MAU2: variants seen among roughly 807,000 people sequenced by gnomAD.
MAU2 encodes the protein MAU2 sister chromatid cohesion factor.
Under a neutral mutation model 89.1 loss-of-function variants are expected in MAU2, and 9 were observed. That is an observed-to-expected ratio of 0.10 (90% CI 0.06 to 0.18). The LOEUF (loss-of-function observed/expected upper bound fraction) is 0.18, where lower values mean the gene tolerates loss of function less well. Among genes scored for constraint, MAU2 ranks in the 10% least tolerant of loss-of-function variants. The probability of loss-of-function intolerance (pLI) is 1.00; values close to 1 mark genes in which losing one functional copy is unlikely to be tolerated. For synonymous variants in MAU2, 357 were observed against 343.4 expected, an observed-to-expected ratio of 1.04 and a Z score of -0.44; for missense variants, 425 against 803.5, an observed-to-expected ratio of 0.53 and a Z score of 5.69.
intron 1 of MAU2, among the ~76,000 whole-genome samples, chr19:19,324,964 T>C (rs2061492794): frequency 6.6e-6 from 1 of 152,190 alleles, no homozygotes; most frequent in African/African-American, 2.4e-5. Flanking sequence ...ACTTTTATTC[T>C]TTCCTTCCCC....
chr19:19,345,192 C>T lies in MAU2; in HGVS notation c.1156-112C>T, dbSNP rs564321991. The T allele has an allele frequency of 6.4e-5, 61 of 951,640 alleles. 2 individuals are homozygous for T. The South Asian group carries it at 8.2e-4, about 13-fold the overall frequency. 58.9% of individuals were successfully genotyped at this position (951,640 alleles called of 1,614,324 possible). ...CTGCCTTGCAGCTGGCTCGGTAGAG[C>T]CATTGTCATACTCCTCCAGGGCAGC... On this transcript the variant is annotated intron_variant, in intron 11 of 18. Transcript: ENST00000262815. This position sits in a 1 kb window ranked among gnomAD's most constrained non-coding sequence, Gnocchi z 4.9.
intron 1 of MAU2, among the ~76,000 whole-genome samples, chr19:19,326,045 G>A (rs62135552): frequency 0.59 from 84,012 of 142,286 alleles, 25,674 homozygotes; most frequent in East Asian, 0.7. Flanking sequence ...TTGTTGCCCA[G>A]GCTGGAGTGC....
intron 4 of MAU2, among the ~76,000 whole-genome samples, 171 bp from the exon 5 acceptor site, chr19:19,338,674 C>T (rs1477376101): frequency 6.6e-6 from 1 of 152,206 alleles, no homozygotes; most frequent in African/African-American, 2.4e-5. Context: ...GAGCTGTGTA[C>T]CCAAAGCAAT....
Position 19,349,155 on chromosome 19 carries a change from C to T in MAU2, c.1359C>T (p.Ser453=), listed in dbSNP as rs1253526777. The T allele has an allele frequency of 1.2e-6, 2 of 1,614,114 alleles. No homozygotes were observed. The highest frequency in any genetic ancestry group is 1.7e-6 in the Non-Finnish European group (2 of 1,180,034). The change falls in exon 15 of 19, where the codon AGC becomes AGT. Residue 453 remains serine, a splice_region_variant and synonymous_variant. Coordinates refer to ENST00000262815, the MANE Select transcript of MAU2 (RefSeq NM_015329.4). ...ATGTGATACTGCACTCTCCCTGCAG[C>T]TCGCACTGCCTCCGAGCAGCCGCCT... The part of the protein sequence containing the change: ...RINPDHSFPV[S]SHCLRAAAFY...
chr19:19,341,252 C>T lies in MAU2; in HGVS notation c.580C>T (p.Leu194=). Residue 194 remains leucine, a splice_region_variant and synonymous_variant, in exon 7 of 19, where the codon CTG becomes TTG. Coordinates refer to ENST00000262815, the MANE Select transcript of MAU2 (RefSeq NM_015329.4). ...RALFLLSKGM[L]LLMERKLQEV... is the part of the protein sequence containing the mutation. ...TACACCTGCGCCTCTCCCTCCCCAG[C>T]TGCTGCTGATGGAGCGAAAGCTGCA... 2 of 1,610,702 alleles carry T rather than the reference C, an allele frequency of 1.2e-6. No homozygotes were observed. The highest frequency in any genetic ancestry group is 8.5e-7 in the Non-Finnish European group (1 of 1,179,822).
At chr19:19,341,166 G>A in intron 6 of MAU2, 86 bp from the exon 7 acceptor site, 1 of 1,472,502 alleles carries the variant, frequency 6.8e-7, no homozygotes, top group Non-Finnish European at 9.2e-7. Context: ...CAGTCCCAGG[G>A]CAGGTGGGCA....
chr19:19,331,579 A>ATTTTTCTGAT (rs2061555930), intron 1 of MAU2, among the ~76,000 whole-genome samples: 1 of 151,814 alleles, frequency 6.6e-6, no homozygotes, highest in Non-Finnish European at 1.5e-5. Flanking sequence ...AGATGGATAT[A>ATTTTTCTGAT]TTTTTCTGAT....
intron 1 of MAU2, chr19:19,334,235 C>G: frequency 2.0e-6 from 2 of 985,560 alleles, no homozygotes; most frequent in Non-Finnish European, 2.4e-6. Context: ...CTGGCCCCGC[C>G]ACTCTGAGGA....
chr19:19,344,882 C>G lies in MAU2; in HGVS notation c.1111C>G (p.Pro371Ala), dbSNP rs371904513. The stretch of plus-strand genomic sequence containing the variant: ...GGTCTGCCAGCTGTGCCAGCAGTCC[C>G]CCCGGCTCTTCTCCAACCATGCAGC... ...SQVCQLCQQS[P>A]RLFSNHAAQL... The change falls in exon 11 of 19, where the codon CCC becomes GCC. Residue 371 changes from proline (P) to alanine (A), a missense_variant. Pro to Ala is a conservative substitution (Grantham distance 27). Around this residue, in one of 11 missense-constraint regions of MAU2, gnomAD observed 39 missense variants for 56.3 expected, o/e 0.69. Coordinates refer to ENST00000262815, the MANE Select transcript of MAU2 (RefSeq NM_015329.4). 5.6e-6 allele frequency: 9 copies of G among 1,613,684 alleles called. No individual in the cohort carries two copies. Among genetic ancestry groups the G allele is most frequent in the African/African-American group, 5.3e-5 (4 of 74,906 alleles).
chr19:19,342,124 G>C (rs553608480), intron 7 of MAU2, among the ~76,000 whole-genome samples: 2 of 152,106 alleles, frequency 1.3e-5, no homozygotes, highest in Admixed American at 6.5e-5. Flanking sequence ...GACATCCCTC[G>C]GGGCCTCAGG....
At chr19:19,332,165 G>T (rs1188892988) in intron 1 of MAU2, among the ~76,000 whole-genome samples, 1 of 152,002 alleles carries the variant, frequency 6.6e-6, no homozygotes, top group Non-Finnish European at 1.5e-5. Flanking sequence ...ACATCATGGG[G>T]CTTTTTTTTG....
intron 16 of MAU2, chr19:19,354,038 T>C: frequency 2.6e-6 from 1 of 385,114 alleles, no homozygotes; most frequent in South Asian, 2.6e-5. Flanking sequence ...TCAGCCCCCA[T>C]TGTGGGTCTA....
intron 1 of MAU2, among the ~76,000 whole-genome samples, chr19:19,330,104 A>G (rs529650186): frequency 4.6e-5 from 7 of 151,782 alleles, no homozygotes; most frequent in Admixed American, 3.9e-4. Flanking sequence ...CTCAGCTTCC[A>G]GAGTAGCTGA....
At chr19:19,323,179 G>A (rs767163015) in intron 1 of MAU2, among the ~76,000 whole-genome samples, 34 of 151,608 alleles carry the variant, frequency 2.2e-4, no homozygotes, top group Non-Finnish European at 4.3e-4. Flanking sequence ...GAGCCACTGC[G>A]CCCAGCCCCA....
chr19:19,341,068 C>T (rs774663459), intron 6 of MAU2, among the ~76,000 whole-genome samples, 184 bp from the exon 7 acceptor site: 1 of 152,202 alleles, frequency 6.6e-6, no homozygotes, highest in Admixed American at 6.5e-5. Context: ...AGGCTGCACC[C>T]TATGGGATTC....
At chr19:19,350,305 A>C (rs531662919) in intron 16 of MAU2, among the ~76,000 whole-genome samples, 2 of 142,898 alleles carry the variant, frequency 1.4e-5, no homozygotes, top group East Asian at 4.3e-4. Flanking sequence ...CAGAAAAAAA[A>C]AAAAAAGATG....
chr19:19,329,283 TC>T (rs2061536025), intron 1 of MAU2, among the ~76,000 whole-genome samples: 1 of 152,170 alleles, frequency 6.6e-6, no homozygotes, highest in Non-Finnish European at 1.5e-5. Context: ...GATCTGTGCT[TC>T]CTCCTGTTTT....
rs2061721362 is a variant in MAU2, at chr19:19,349,188, G to C, written c.1392G>C (p.Val464=). 1 of 1,614,170 alleles carries C rather than the reference G, an allele frequency of 6.2e-7. No homozygotes were observed. ...SHCLRAAAFY[V]RGLFSFFQGR... ...GCCTCCGAGCAGCCGCCTTCTATGT[G>C]CGTGGGCTCTTCTCCTTCTTCCAGG... is the stretch of plus-strand genomic sequence containing the variant. Residue 464 remains valine (V), a synonymous_variant, in exon 15 of 19, where the codon GTG becomes GTC. Transcript: ENST00000262815.
At chr19:19,354,554 G>T in intron 17 of MAU2, 109 bp downstream of exon 17, 1 of 943,904 alleles carries the variant, frequency 1.1e-6, no homozygotes. Flanking sequence ...GCCTCCGTGG[G>T]CCGCAGCCCC....
Sources: allele counts gnomAD v4.1 joint callset (sites outside exome capture counted in the v4.1 genomes callset), GRCh38; gene constraint gnomAD v4.1.1; regional missense constraint gnomAD v4.1.1; non-coding constraint Gnocchi (gnomAD v3.1); transcripts MANE v1.5; gene names NCBI Gene and HGNC (gene_info 2026-07-23, HGNC 2026-07-21).